Variants in SGPP2 observed in about 807,000 individuals in gnomAD.
SGPP2 encodes the protein sphingosine 1-phosphate phosphohydrolase 2.
Under a neutral mutation model 33.9 loss-of-function variants are expected in SGPP2, and 30 were observed. The observed-to-expected ratio is 0.89, with a 90% confidence interval of 0.66 to 1.20. SGPP2 has a LOEUF of 1.20. Among genes scored for constraint, SGPP2 ranks in the 50% most tolerant of loss-of-function variants. The pLI, the probability that SGPP2 is intolerant of heterozygous loss-of-function variation, is 0.00. For missense variants in SGPP2, 458 were observed against 532.1 expected, an observed-to-expected ratio of 0.86 and a Z score of 1.37; for synonymous variants, 233 against 225.0, an observed-to-expected ratio of 1.04 and a Z score of -0.32.
chr2:222,559,158 C>T lies in SGPP2; in HGVS notation c.*260C>T, dbSNP rs1487331750. The stretch of plus-strand genomic sequence containing the variant: ...AATCCGGATCTTTAAAGGCACACAC[C>T]GCGCCCCCCCCCCCCCCGCCCGGCC... On this transcript the variant is annotated 3_prime_UTR_variant, in exon 5 of 5. Coordinates refer to ENST00000321276, the MANE Select transcript of SGPP2 (RefSeq NM_152386.4). 1.1e-3 allele frequency: 78 copies of T among 74,176 alleles called. 7 individuals carry two copies. The East Asian group carries it at 0.018, about 17-fold the overall frequency. The allele number at this position is 74,176 out of a possible 1,614,324, so 4.6% of individuals were successfully genotyped here.
At position 222,487,420 on chromosome 2, in the gene SGPP2, A is replaced by G. The variant is rs117868131; in HGVS notation, c.378+12694A>G. 1.4e-3 allele frequency among the ~76,000 whole-genome samples: 213 copies of G among 152,300 alleles called. 2 individuals carry two copies. The East Asian group carries it at 0.022, about 16-fold the overall frequency. On this transcript the variant is annotated intron_variant, in intron 2 of 4. Coordinates refer to ENST00000321276, the MANE Select transcript of SGPP2 (RefSeq NM_152386.4). ...CATTTCTCTGGGCCTCAGTTCAACCATCTGTGAAATGTGAAGTTGAACAAA... is the reference window on the plus strand; with the variant it reads ...CATTTCTCTGGGCCTCAGTTCAACCGTCTGTGAAATGTGAAGTTGAACAAA...
intron 1 of SGPP2, among the ~76,000 whole-genome samples, chr2:222,474,269 C>T (rs1697895597): frequency 6.6e-6 from 1 of 152,194 alleles, no homozygotes; most frequent in Admixed American, 6.5e-5. Flanking sequence ...TTGACTTTCT[C>T]CAGGTTTCTA....
intron 2 of SGPP2, among the ~76,000 whole-genome samples, chr2:222,482,138 A>C (rs539875817): frequency 6.6e-6 from 1 of 152,264 alleles, no homozygotes; most frequent in African/African-American, 2.4e-5. Flanking sequence ...CTGGTCCTAT[A>C]ATACCATGAA....
intron 2 of SGPP2, among the ~76,000 whole-genome samples, chr2:222,478,551 G>C (rs1451257819): frequency 6.6e-6 from 1 of 152,124 alleles, no homozygotes; most frequent in East Asian, 1.9e-4. Flanking sequence ...TTCTTCAAAG[G>C]GGTAGGGATT....
intron 1 of SGPP2, among the ~76,000 whole-genome samples, chr2:222,459,143 T>TTTTTTTTTTTTTTTTTTTTTTTTTA (rs1697620053): frequency 1.4e-5 from 1 of 70,314 alleles, no homozygotes; most frequent in Non-Finnish European, 3.6e-5. Flanking sequence ...TCTTTCTTTC[T>TTTTTTTTTTTTTTTTTTTTTTTTTA]TTTTTTTTTT....
chr2:222,503,330 T>A lies in SGPP2; in HGVS notation c.379-18437T>A, dbSNP rs1315070320. Among the ~76,000 whole-genome samples, 3 of 152,348 alleles carry A rather than the reference T, an allele frequency of 2.0e-5. No homozygotes were observed. In the East Asian group the frequency reaches 5.8e-4, roughly 29 times the overall value. On this transcript the variant is annotated intron_variant, in intron 2 of 4. Coordinates refer to ENST00000321276, the MANE Select transcript of SGPP2 (RefSeq NM_152386.4). ...TTTTATTAAATATGTTATGAAATAT[T>A]TCAAACATATTAAGGCTAAAATAAA...
chr2:222,508,940 A>G (rs970886078), intron 2 of SGPP2, among the ~76,000 whole-genome samples: 5 of 152,214 alleles, frequency 3.3e-5, no homozygotes, highest in African/African-American at 9.6e-5. Context: ...AAAGCAAAAA[A>G]GCTCTGAATT....
intron 1 of SGPP2, among the ~76,000 whole-genome samples, chr2:222,444,757 A>G (rs1697374853): frequency 6.6e-6 from 1 of 152,230 alleles, no homozygotes; most frequent in Non-Finnish European, 1.5e-5. Context: ...GAAACTTATC[A>G]AGGATAGAAC....
chr2:222,524,124 C>T (rs542663846), intron 3 of SGPP2, among the ~76,000 whole-genome samples: 29 of 152,162 alleles, frequency 1.9e-4, no homozygotes, highest in Non-Finnish European at 4.0e-4. Flanking sequence ...TTATTAATAA[C>T]GTCATTTATT....
chr2:222,425,734 G>A (rs1697059419), intron 1 of SGPP2, among the ~76,000 whole-genome samples: 1 of 152,170 alleles, frequency 6.6e-6, no homozygotes, highest in Non-Finnish European at 1.5e-5. Flanking sequence ...CGAATTCCTT[G>A]TACACAGCCA....
Position 222,424,746 on chromosome 2 carries a change from C to T in SGPP2, c.144C>T (p.Val48=). The T allele has an allele frequency of 7.0e-7, 1 of 1,420,156 alleles. No individual in the cohort carries two copies. The highest frequency in any genetic ancestry group is 9.2e-7 in the Non-Finnish European group (1 of 1,088,652). The allele number at this position is 1,420,156 out of a possible 1,614,324, so 88.0% of individuals were successfully genotyped here. ...AGCGCGCGGCGCGGGTCCCCGGGGT[C>T]GAGCATCTCCCCGCAGCCAACGGCA... The part of the protein sequence containing the change: ...PTERAARVPG[V]EHLPAANGKG... The change falls in exon 1 of 5, where the codon GTC becomes GTT. Residue 48 remains valine (V), a synonymous_variant. Coordinates refer to ENST00000321276, the MANE Select transcript of SGPP2 (RefSeq NM_152386.4).
upstream of SGPP2, among the ~76,000 whole-genome samples, chr2:222,424,059 G>A (rs1697018634): frequency 6.6e-6 from 1 of 152,146 alleles, no homozygotes; most frequent in South Asian, 2.1e-4. Context: ...GTATTTACTG[G>A]GAACTAGTCT....
chr2:222,478,295 G>GTGTGTGTGTGTGTA (rs770770754), intron 2 of SGPP2, among the ~76,000 whole-genome samples: 7 of 138,486 alleles, frequency 5.1e-5, no homozygotes, highest in African/African-American at 1.5e-4. Context: ...GTGTGTGTGT[G>GTGTGTGTGTGTGTA]TATACGTACG....
At chr2:222,541,077 A>G (rs1698989416) in intron 4 of SGPP2, among the ~76,000 whole-genome samples, 1 of 152,164 alleles carries the variant, frequency 6.6e-6, no homozygotes, top group South Asian at 2.1e-4. Context: ...TCAGCCTTCC[A>G]AAGTGCTGGG....
rs1372886966 is a variant in SGPP2, at chr2:222,534,639, G to GA, written c.648+9613dup. Among the ~76,000 whole-genome samples the GA allele has an allele frequency of 1.6e-4, 25 of 151,972 alleles. 1 individual carries two copies. The highest frequency in any genetic ancestry group is 1.1e-3 in the Admixed American group (17 of 15,270). On this transcript the variant is annotated intron_variant, in intron 4 of 4. Coordinates refer to ENST00000321276, the MANE Select transcript of SGPP2 (RefSeq NM_152386.4). ...CTTCAAAATGCCTTACTTAACATGG[G>GA]AAAAAAAGCCGATGGCAATATAAAT...
chr2:222,438,678 C>T (rs1049816431), intron 1 of SGPP2, among the ~76,000 whole-genome samples: 2 of 152,236 alleles, frequency 1.3e-5, no homozygotes, highest in African/African-American at 4.8e-5. Flanking sequence ...ATTAATCTTA[C>T]AGTAACCCAC....
At position 222,431,835 on chromosome 2, in the gene SGPP2, C is replaced by T. The variant is rs75463305; in HGVS notation, c.219+7014C>T. ...CTTCTTTCTCATATCCTACCAGTGC[C>T]CCCACTTTAACCAAATTTAGCCCAT... On this transcript the variant is annotated intron_variant, in intron 1 of 4. Coordinates refer to ENST00000321276, the MANE Select transcript of SGPP2 (RefSeq NM_152386.4). Among the ~76,000 whole-genome samples, 1,100 of 152,242 alleles carry T rather than the reference C, an allele frequency of 7.2e-3. 13 individuals are homozygous for T. Among genetic ancestry groups the T allele is most frequent in the African/African-American group, 0.025 (1,049 of 41,540 alleles).
Position 222,522,026 on chromosome 2 carries a change from C to T in SGPP2, c.558+80C>T, listed in dbSNP as rs1698694547. ...TGCACTTCTGAATTTTCTCTTAAAG[C>T]TGCTTTGAGGGACCTTAAGGTTTAT... On this transcript the variant is annotated intron_variant, in intron 3 of 4. Transcript: ENST00000321276. The T allele has an allele frequency of 2.3e-6, 3 of 1,330,228 alleles. No individual in the cohort carries two copies. The Admixed American group carries it at 8.4e-5, about 37-fold the overall frequency. The allele number at this position is 1,330,228 out of a possible 1,614,324, so 82.4% of individuals were successfully genotyped here.
chr2:222,542,127 C>T (rs1374970864), intron 4 of SGPP2, among the ~76,000 whole-genome samples: 1 of 152,192 alleles, frequency 6.6e-6, no homozygotes, highest in Non-Finnish European at 1.5e-5. Context: ...AAATCTCTGA[C>T]ACCATAGATT....
Sources: gnomAD v4.1 joint callset for allele counts (sites outside exome capture counted in the v4.1 genomes callset) on GRCh38, gnomAD v4.1.1 for gene constraint, MANE v1.5 for transcripts, NCBI Gene and HGNC (gene_info 2026-07-23, HGNC 2026-07-21) for gene names.